Variants in PRKCB observed in about 807,000 individuals in gnomAD.
PRKCB encodes the protein protein kinase C beta.
In PRKCB, 13 loss-of-function variants were observed where a neutral mutation model predicts 81.5. The observed-to-expected ratio is 0.16, with a 90% CI of 0.10 to 0.25. The LOEUF (loss-of-function observed/expected upper bound fraction) is 0.25. PRKCB is among the 10% of genes least tolerant of loss of function. The pLI, the probability that PRKCB is intolerant of heterozygous loss-of-function variation, is 1.00. For synonymous variants in PRKCB, 335 were observed against 321.4 expected (o/e 1.04, Z -0.45); for missense variants, 509 against 875.7 (o/e 0.58, Z 5.29).
At chr16:24,123,729 G>C in intron 8 of PRKCB, 106 bp from the exon 9 acceptor site, 1 of 1,194,090 alleles carries the variant, frequency 8.4e-7, no homozygotes. Context: ...CATGGGGACA[G>C]GGTGCCGGAG....
rs11648035 is a variant in PRKCB at position 24,167,161 on chromosome 16, A to G, written c.1240-5109A>G. Among the ~76,000 whole-genome samples the G allele has an allele frequency of 9.0e-3, 1,362 of 151,642 alleles. 11 individuals carry two copies. Among genetic ancestry groups the G allele is most frequent in the Admixed American group, 0.017 (252 of 15,254 alleles). On this transcript the variant is annotated intron_variant, in intron 10 of 16. Coordinates refer to ENST00000643927, the MANE Select transcript of PRKCB (RefSeq NM_002738.7). ...TTCTATTAAAAAAAAAAAAAAAGCCAAAGAACCAGGGGCTGGGTGTCGGCA... is the reference window on the plus strand; with the variant it reads ...TTCTATTAAAAAAAAAAAAAAAGCCGAAGAACCAGGGGCTGGGTGTCGGCA...
intron 3 of PRKCB, among the ~76,000 whole-genome samples, chr16:23,999,070 G>T (rs1043946505): frequency 7.2e-5 from 11 of 152,218 alleles, no homozygotes; most frequent in African/African-American, 2.7e-4. Context: ...ACCTGAACTG[G>T]CTTGACTCAG....
At position 24,103,554 on chromosome 16, in the gene PRKCB, CT is replaced by C. The variant is rs140441632; in HGVS notation, c.821+9263del. 8.2e-3 allele frequency among the ~76,000 whole-genome samples: 1,251 copies of C among 152,056 alleles called. 12 individuals carry two copies. Among genetic ancestry groups the C allele is most frequent in the African/African-American group, 0.029 (1,206 of 41,436 alleles). The stretch of plus-strand genomic sequence containing the variant: ...ACTTTTTTGTGGAGAAAGAATAAAC[CT>C]TTTTTCAACTTTTATTTTAGATTCA... On this transcript the variant is annotated intron_variant, in intron 7 of 16. Coordinates refer to ENST00000643927, the MANE Select transcript of PRKCB (RefSeq NM_002738.7).
At chr16:24,126,409 G>C (rs1353245509) in intron 9 of PRKCB, among the ~76,000 whole-genome samples, 1 of 151,072 alleles carries the variant, frequency 6.6e-6, no homozygotes, top group African/African-American at 2.4e-5. Context: ...TTTTCTTTTT[G>C]AGATAGAGTC....
At chr16:23,841,818 G>C (rs1181586696) in intron 2 of PRKCB, among the ~76,000 whole-genome samples, 7 of 151,806 alleles carry the variant, frequency 4.6e-5, no homozygotes, top group Admixed American at 4.6e-4. Flanking sequence ...ACCATGCCCG[G>C]CTAATTTTTA....
intron 16 of PRKCB, among the ~76,000 whole-genome samples, chr16:24,197,583 A>G (rs1012009266): frequency 6.6e-6 from 1 of 152,224 alleles, no homozygotes; most frequent in African/African-American, 2.4e-5. Flanking sequence ...CTCATGAGCC[A>G]AGAAATAACA....
At chr16:24,144,423 C>A (rs980474622) in intron 9 of PRKCB, among the ~76,000 whole-genome samples, 2 of 152,192 alleles carry the variant, frequency 1.3e-5, no homozygotes, top group African/African-American at 4.8e-5. Context: ...CTCAGCCTCC[C>A]AAGTAACTGG....
intron 3 of PRKCB, among the ~76,000 whole-genome samples, chr16:24,015,856 A>G (rs543541637): frequency 1.3e-5 from 2 of 152,228 alleles, no homozygotes; most frequent in African/African-American, 2.4e-5. Flanking sequence ...GCTGTAGTAG[A>G]AGGAATTGGC....
chr16:23,879,269 A>G (rs1022017902), intron 2 of PRKCB, among the ~76,000 whole-genome samples: 2 of 151,786 alleles, frequency 1.3e-5, no homozygotes, highest in Admixed American at 6.6e-5. Context: ...GGAAGTAGAG[A>G]ATGCTGAGAG....
chr16:23,879,954 A>G (rs1311970714), intron 2 of PRKCB, among the ~76,000 whole-genome samples: 3 of 152,184 alleles, frequency 2.0e-5, no homozygotes, highest in Non-Finnish European at 4.4e-5. Context: ...TGTCTGCAAA[A>G]TGGGATTAAT....
intron 2 of PRKCB, among the ~76,000 whole-genome samples, chr16:23,848,070 A>T (rs62030647): frequency 6.6e-6 from 1 of 152,126 alleles, no homozygotes; most frequent in Non-Finnish European, 1.5e-5. Flanking sequence ...CGCAGTTGAG[A>T]TAGTGAGGAG....
chr16:23,890,375 G>C (rs1363752031), intron 2 of PRKCB, among the ~76,000 whole-genome samples: 1 of 152,176 alleles, frequency 6.6e-6, no homozygotes, highest in Non-Finnish European at 1.5e-5. Context: ...GAATCTTGTA[G>C]GGGCCTTTAA....
At chr16:24,182,993 A>T (rs2141974151) in intron 13 of PRKCB, among the ~76,000 whole-genome samples, 1 of 151,790 alleles carries the variant, frequency 6.6e-6, no homozygotes, top group African/African-American at 2.4e-5. Flanking sequence ...AGTAGCTGGG[A>T]CTACAGGTGC....
chr16:23,872,701 A>G (rs1962924973), intron 2 of PRKCB, among the ~76,000 whole-genome samples: 1 of 152,112 alleles, frequency 6.6e-6, no homozygotes, highest in East Asian at 1.9e-4. Context: ...AATATGAACT[A>G]CCTCACAGGG....
chr16:24,096,666 AATATAT>A lies in PRKCB; in HGVS notation c.821+2404_821+2409del, dbSNP rs58341820. On this transcript the variant is annotated intron_variant, in intron 7 of 16. Coordinates refer to ENST00000643927, the MANE Select transcript of PRKCB (RefSeq NM_002738.7). ...CCTTCCTATGGCAAAAAAAAAAAAA[AATATAT>A]ATATATATATATATATATATATATA... is the stretch of plus-strand genomic sequence containing the variant. Among the ~76,000 whole-genome samples, 86 of 32,670 alleles carry A rather than the reference AATATAT, an allele frequency of 2.6e-3. 1 individual carries two copies. Among genetic ancestry groups the A allele is most frequent in the African/African-American group, 6.9e-3 (71 of 10,304 alleles). 21.4% of individuals were successfully genotyped at this position (32,670 alleles called of 152,430 possible).
At chr16:24,208,679 C>T (rs1028739470) in intron 16 of PRKCB, among the ~76,000 whole-genome samples, 9 of 152,074 alleles carry the variant, frequency 5.9e-5, no homozygotes, top group East Asian at 5.8e-4. Flanking sequence ...CAGGTGCAAT[C>T]CATGGTGCGT....
At chr16:24,164,242 G>C (rs1967307802) in intron 10 of PRKCB, among the ~76,000 whole-genome samples, 1 of 152,128 alleles carries the variant, frequency 6.6e-6, no homozygotes, top group South Asian at 2.1e-4. Context: ...TTCCTCTGGA[G>C]ACCTCCAGGT....
chr16:24,017,338 T>C (rs1965292550), intron 3 of PRKCB, among the ~76,000 whole-genome samples: 1 of 152,218 alleles, frequency 6.6e-6, no homozygotes, highest in Admixed American at 6.5e-5. Context: ...TCTTGAGAGC[T>C]CATGCTAAAA....
In PRKCB at chr16:24,220,100, T is replaced by C. The variant is rs1047305611; in HGVS notation, c.*5284T>C. The C allele has an allele frequency of 6.2e-7, 1 of 1,614,136 alleles. No individual in the cohort carries two copies. The highest frequency in any genetic ancestry group is 8.5e-7 in the Non-Finnish European group (1 of 1,180,006). ...TTCTCTTATACTAACCCAGAGTTTGTCATTAATGTGTAGGTGAATGCAAAC... is the reference window on the plus strand; with the variant it reads ...TTCTCTTATACTAACCCAGAGTTTGCCATTAATGTGTAGGTGAATGCAAAC... On this transcript the variant is annotated 3_prime_UTR_variant, in exon 17 of 17. Coordinates refer to ENST00000643927, the MANE Select transcript of PRKCB (RefSeq NM_002738.7).
Sources: gnomAD v4.1 joint callset for allele counts (sites outside exome capture counted in the v4.1 genomes callset) on GRCh38, gnomAD v4.1.1 for gene constraint, MANE v1.5 for transcripts, NCBI Gene and HGNC (gene_info 2026-07-23, HGNC 2026-07-21) for gene names.